LARP1B: variants seen among roughly 807,000 people sequenced by gnomAD.
LARP1B encodes the protein la-related protein 1B.
In LARP1B, 76 loss-of-function variants were observed where a neutral mutation model predicts 114.2. The observed-to-expected ratio is 0.67, with a 90% CI of 0.55 to 0.81. The LOEUF (loss-of-function observed/expected upper bound fraction) is 0.81, where lower values mean the gene tolerates loss of function less well. LARP1B is among the 30% of genes least tolerant of loss of function. The pLI is 0.00. For synonymous variants in LARP1B, 345 were observed against 348.0 expected, an observed-to-expected ratio of 0.99 and a Z score of 0.10; for missense variants, 1,014 against 1,075.8, an observed-to-expected ratio of 0.94 and a Z score of 0.80.
chr4:128,107,756 G>C (rs1339587764), intron 9 of LARP1B: 90 of 1,496,352 alleles, frequency 6.0e-5, no homozygotes, highest in African/African-American at 1.4e-5. Flanking sequence ...TTCTAAATTA[G>C]AATTGGGGTT....
chr4:128,180,803 A>C (rs953200916), intron 15 of LARP1B, among the ~76,000 whole-genome samples: 1 of 152,202 alleles, frequency 6.6e-6, no homozygotes, highest in Admixed American at 6.5e-5. Flanking sequence ...GTATAATAAG[A>C]ATATATTTAG....
intron 11 of LARP1B, among the ~76,000 whole-genome samples, chr4:128,143,606 TAAAC>T (rs1430664553): frequency 6.6e-6 from 1 of 150,394 alleles, no homozygotes; most frequent in East Asian, 1.9e-4. Flanking sequence ...AGCCTCTTGA[TAAAC>T]AAGAGAGAAG....
chr4:128,154,279 C>T (rs1734371152), intron 11 of LARP1B, among the ~76,000 whole-genome samples: 1 of 152,280 alleles, frequency 6.6e-6, no homozygotes, highest in African/African-American at 2.4e-5. Flanking sequence ...GTGGGAGCAA[C>T]AGTGGCCATT....
chr4:128,198,352 T>C (rs1323829625), intron 15 of LARP1B, among the ~76,000 whole-genome samples: 1 of 152,184 alleles, frequency 6.6e-6, no homozygotes, highest in Non-Finnish European at 1.5e-5. Flanking sequence ...TCCAGAACAT[T>C]TTCATCTTGC....
intron 12 of LARP1B, among the ~76,000 whole-genome samples, chr4:128,169,615 A>G (rs1452021256): frequency 1.3e-5 from 2 of 151,454 alleles, no homozygotes; most frequent in East Asian, 1.9e-4. Flanking sequence ...CTCTATTTCT[A>G]TCTTTATCTC....
intron 5 of LARP1B, among the ~76,000 whole-genome samples, chr4:128,082,932 T>G (rs1771121175): frequency 6.6e-6 from 1 of 151,138 alleles, no homozygotes. Context: ...TGAACAAAGG[T>G]CTCTGGTTTT....
chr4:128,143,401 T>TCACC (rs1728898051), intron 11 of LARP1B, among the ~76,000 whole-genome samples: 3 of 152,240 alleles, frequency 2.0e-5, no homozygotes, highest in Non-Finnish European at 4.4e-5. Context: ...TGCCAGGGAT[T>TCACC]CATTCATTAA....
chr4:128,083,665 G>C (rs530172253), intron 5 of LARP1B, among the ~76,000 whole-genome samples: 4 of 95,132 alleles, frequency 4.2e-5, no homozygotes, highest in South Asian at 4.5e-4. Context: ...CTGGCCAGGT[G>C]GGGGGGCTGA....
At chr4:128,167,753 A>G (rs927969286) in intron 12 of LARP1B, among the ~76,000 whole-genome samples, 1 of 152,054 alleles carries the variant, frequency 6.6e-6, no homozygotes, top group Non-Finnish European at 1.5e-5. Context: ...GAACATTTCC[A>G]TTGCTCCCTG....
chr4:128,219,651 G>A (rs929744456), intron 6 of LARP1B, among the ~76,000 whole-genome samples: 1 of 111,424 alleles, frequency 9.0e-6, no homozygotes, highest in Non-Finnish European at 1.8e-5. Context: ...GTGGTGGGGT[G>A]GGGGGAGGGG....
intron 11 of LARP1B, among the ~76,000 whole-genome samples, chr4:128,148,814 A>T (rs1731434849): frequency 6.6e-6 from 1 of 151,926 alleles, no homozygotes; most frequent in Non-Finnish European, 1.5e-5. Flanking sequence ...TTTAGTAGAG[A>T]TGGGGTTTCA....
At chr4:128,110,548 G>A (rs1783710100) in intron 9 of LARP1B, among the ~76,000 whole-genome samples, 1 of 148,552 alleles carries the variant, frequency 6.7e-6, no homozygotes. Context: ...GTAGTGGCGG[G>A]CGCCTGTAGT....
intron 15 of LARP1B, among the ~76,000 whole-genome samples, chr4:128,196,293 GA>G (rs551037602): frequency 4.8e-4 from 66 of 138,136 alleles, no homozygotes; most frequent in South Asian, 4.6e-3. Flanking sequence ...AAAGAAAAGG[GA>G]AAAAAAAAAA....
intron 11 of LARP1B, among the ~76,000 whole-genome samples, chr4:128,137,534 G>A (rs983894385): frequency 6.6e-6 from 1 of 151,912 alleles, no homozygotes; most frequent in African/African-American, 2.4e-5. Flanking sequence ...AGCCTATATA[G>A]GCTGGGGAAT....
chr4:128,149,200 A>G (rs1731614374), intron 11 of LARP1B, among the ~76,000 whole-genome samples: 2 of 152,228 alleles, frequency 1.3e-5, no homozygotes, highest in South Asian at 2.1e-4. Context: ...CTAAACAAGT[A>G]TAATTGAATT....
At chr4:128,197,935 A>G (rs1169737605) in intron 15 of LARP1B, among the ~76,000 whole-genome samples, 1 of 118,806 alleles carries the variant, frequency 8.4e-6, no homozygotes, top group African/African-American at 3.3e-5. Flanking sequence ...CCTAGGCTGG[A>G]GTGCAATGGC....
chr4:128,221,000 C>T (rs922666183), intron 7 of LARP1B, among the ~76,000 whole-genome samples: 4 of 152,164 alleles, frequency 2.6e-5, no homozygotes, highest in African/African-American at 9.7e-5. Flanking sequence ...GAACACAGAA[C>T]CCCTGACTTT....
At chr4:128,148,721 C>T (rs1324529660) in intron 11 of LARP1B, among the ~76,000 whole-genome samples, 2 of 151,978 alleles carry the variant, frequency 1.3e-5, no homozygotes, top group South Asian at 2.1e-4. Flanking sequence ...CCTCCACCCT[C>T]GGGGTTCAAG....
chr4:128,091,228 T>G (rs988910224), intron 6 of LARP1B, 84 bp downstream of exon 6: 6 of 1,548,542 alleles, frequency 3.9e-6, no homozygotes, highest in Non-Finnish European at 5.2e-6. Flanking sequence ...TTAACTAATT[T>G]TCTTTGTCTG....
Sources: allele counts gnomAD v4.1 joint callset (sites outside exome capture counted in the v4.1 genomes callset), GRCh38; gene constraint gnomAD v4.1.1; transcripts MANE v1.5; gene names NCBI Gene and HGNC (gene_info 2026-07-23, HGNC 2026-07-21).